The following CCDC121 variants were observed in gnomAD, a reference collection of about 807,000 sequenced individuals.
The protein encoded by CCDC121 is coiled-coil domain containing 121.
For synonymous variants in CCDC121, 108 were observed against 120.0 expected, an observed-to-expected ratio of 0.90 and a Z score of 0.65; for missense variants, 238 against 304.1, an observed-to-expected ratio of 0.78 and a Z score of 1.62.
At position 27,627,867 on chromosome 2, in the gene CCDC121, T is replaced by C; in HGVS notation, c.-68A>G. ...TAGCTTCTCTGGCTTGACAAAATTA[T>C]TTATTAGACTATGATACGGTGGAAG... On this transcript the variant is annotated 5_prime_UTR_variant, in exon 2 of 2. Transcript: ENST00000324364. 1 of 1,614,210 alleles carries C rather than the reference T, an allele frequency of 6.2e-7. No homozygotes were observed. Among genetic ancestry groups the C allele is most frequent in the Middle Eastern group, 1.6e-4 (1 of 6,062 alleles).
In CCDC121 at chr2:27,628,550, G is replaced by T. The variant is rs752246975; in HGVS notation, c.-119+400C>A. ...AGCTCCCGTAGTTTATTCGTTCGGTGCTCAAAGGGTCTCGGTGCTGCCCAG... is the reference window on the plus strand; with the variant it reads ...AGCTCCCGTAGTTTATTCGTTCGGTTCTCAAAGGGTCTCGGTGCTGCCCAG... On this transcript the variant is annotated intron_variant, in intron 1 of 1. Transcript: ENST00000324364. 11 of 1,551,410 alleles carry T rather than the reference G, an allele frequency of 7.1e-6. No homozygotes were observed. The East Asian group carries it at 1.2e-4, about 17-fold the overall frequency.
rs1296473544 is a variant in CCDC121 at position 27,626,530 on chromosome 2, A to G, written c.*433T>C. The G allele has an allele frequency of 6.5e-6, 1 of 154,116 alleles. No homozygotes were observed. The highest frequency in any genetic ancestry group is 2.4e-5 in the African/African-American group (1 of 41,506). 9.5% of individuals were successfully genotyped at this position (154,116 alleles called of 1,614,324 possible). Reference sequence around the variant, plus strand: ...CTGCTTTTGTCTGCTAAGTTGGTCAAAAGGAATGAGGATAAACTGGCAGAA... The same window carrying G: ...CTGCTTTTGTCTGCTAAGTTGGTCAGAAGGAATGAGGATAAACTGGCAGAA... On this transcript the variant is annotated 3_prime_UTR_variant, in exon 2 of 2. Coordinates refer to ENST00000324364, the MANE Select transcript of CCDC121 (RefSeq NM_024584.5).
In CCDC121 at chr2:27,627,819, T is replaced by G. The variant is rs779280087; in HGVS notation, c.-20A>C. On this transcript the variant is annotated 5_prime_UTR_variant, in exon 2 of 2. Transcript: ENST00000324364. ...CGTCATTTCCGCCACTATCTTTTCTTTAAGCCTTGTCTCTACCTTTGTTAG... is the reference window on the plus strand; with the variant it reads ...CGTCATTTCCGCCACTATCTTTTCTGTAAGCCTTGTCTCTACCTTTGTTAG... 3 of 1,614,234 alleles carry G rather than the reference T, an allele frequency of 1.9e-6. No homozygotes were observed. The highest frequency in any genetic ancestry group is 2.5e-6 in the Non-Finnish European group (3 of 1,180,042).
chr2:27,627,009 G>A lies in CCDC121; in HGVS notation c.791C>T (p.Thr264Ile). 1 of 1,613,298 alleles carries A rather than the reference G, an allele frequency of 6.2e-7. No homozygotes were observed. The highest frequency in any genetic ancestry group is 8.5e-7 in the Non-Finnish European group (1 of 1,179,644). The change falls in exon 2 of 2, where the codon ACA becomes ATA. Residue 264 changes from threonine to isoleucine, a missense_variant. Transcript: ENST00000324364. ...CLNRQDVPKT[T>I]PSLPQGTKSR... is the part of the protein sequence containing the mutation. ...TTTGGTGCCTTGGGGAAGACTGGGT[G>A]TGGTCTTTGGAACATCCTGTCTATT...
In CCDC121 at chr2:27,626,118, A is replaced by G. The variant is rs1043896825; in HGVS notation, c.*845T>C. 3 of 152,334 alleles carry G rather than the reference A, an allele frequency of 2.0e-5. No individual in the cohort carries two copies. The highest frequency in any genetic ancestry group is 6.5e-5 in the Admixed American group (1 of 15,288). 9.4% of individuals were successfully genotyped at this position (152,334 alleles called of 1,614,324 possible). On this transcript the variant is annotated 3_prime_UTR_variant, in exon 2 of 2. Transcript: ENST00000324364. ...GTAAGAAAATTAATAAATGACCTAA[A>G]ACTAAAGCATTTAGGATAACAAACA...
At position 27,628,501 on chromosome 2, in the gene CCDC121, C is replaced by A. The variant is rs188110444; in HGVS notation, c.-119+449G>T. On this transcript the variant is annotated intron_variant, in intron 1 of 1. Transcript: ENST00000324364. Reference sequence around the variant, plus strand: ...ATCAGGAACCTGCGTCTGCAACTCGCGGGAACAATGTGCAAGTGTGGAAAG... The same window carrying A: ...ATCAGGAACCTGCGTCTGCAACTCGAGGGAACAATGTGCAAGTGTGGAAAG... 4.5e-6 allele frequency: 7 copies of A among 1,551,288 alleles called. No homozygotes were observed. The Admixed American group carries it at 1.2e-4, about 26-fold the overall frequency.
chr2:27,628,098 G>A (rs1673355172), intron 1 of CCDC121, 181 bp from the exon 2 acceptor site: 1 of 626,120 alleles, frequency 1.6e-6, no homozygotes, highest in Non-Finnish European at 2.8e-6. Context: ...CATTTACAAC[G>A]TGCATTCACT....
rs1380043140 is a variant in CCDC121, at chr2:27,627,505, T to C, written c.295A>G (p.Ser99Gly). The C allele has an allele frequency of 6.2e-7, 1 of 1,614,106 alleles. No homozygotes were observed. The highest frequency in any genetic ancestry group is 1.3e-5 in the African/African-American group (1 of 74,956). ...ATTGCCTGCAACTTCCGCTTCAAACTGGATTGGATATTTTCCTTTTGCAAG... is the reference window on the plus strand; with the variant it reads ...ATTGCCTGCAACTTCCGCTTCAAACCGGATTGGATATTTTCCTTTTGCAAG... Reference protein sequence around the residue: ...ALLQKENIQSSLKRKLQAMRD... With the variant: ...ALLQKENIQSGLKRKLQAMRD... The change falls in exon 2 of 2, where the codon AGT (serine) becomes GGT (glycine). Residue 99 changes from serine (S) to glycine (G), a missense_variant. Ser to Gly is a moderately conservative substitution (Grantham distance 56, BLOSUM62 0). Coordinates refer to ENST00000324364, the MANE Select transcript of CCDC121 (RefSeq NM_024584.5).
In CCDC121 at chr2:27,627,121, T is replaced by G. The variant is rs1673306106; in HGVS notation, c.679A>C (p.Lys227Gln). The part of the protein sequence containing the change: ...TATQSHLENR[K>Q]QQLQQEQWYL... ...CACTGTTCCTGCTGCAGCTGCTGCTTCCTGTTTTCTAAGTGGCTTTGAGTA... is the reference window on the plus strand; with the variant it reads ...CACTGTTCCTGCTGCAGCTGCTGCTGCCTGTTTTCTAAGTGGCTTTGAGTA... Residue 227 changes from lysine (K) to glutamine (Q), a missense_variant, in exon 2 of 2, where the codon AAG becomes CAG. Physicochemically the swap from Lys to Gln is moderately conservative, Grantham distance 53. Coordinates refer to ENST00000324364, the MANE Select transcript of CCDC121 (RefSeq NM_024584.5). 2 of 1,614,138 alleles carry G rather than the reference T, an allele frequency of 1.2e-6. No homozygotes were observed. The highest frequency in any genetic ancestry group is 1.7e-6 in the Non-Finnish European group (2 of 1,179,988).
At chr2:27,628,284 G>A in intron 1 of CCDC121, 1 of 1,041,240 alleles carries the variant, frequency 9.6e-7, no homozygotes, top group East Asian at 2.6e-5. Context: ...AAACAGACTG[G>A]GTGGTCAGGA....
intron 1 of CCDC121, 65 bp from the exon 2 acceptor site, chr2:27,627,982 G>A (rs1317238716): frequency 2.8e-6 from 3 of 1,077,764 alleles, no homozygotes; most frequent in Non-Finnish European, 4.2e-6. Flanking sequence ...GTGCACAACT[G>A]TCCTTCATTC....
chr2:27,627,983 T>C (rs1673348906), intron 1 of CCDC121, 66 bp from the exon 2 acceptor site: 4 of 1,066,180 alleles, frequency 3.8e-6, no homozygotes. Flanking sequence ...TGCACAACTG[T>C]CCTTCATTCA....
intron 1 of CCDC121, chr2:27,628,318 TTCA>T (rs1673367635): frequency 1.5e-6 from 2 of 1,366,418 alleles, no homozygotes; most frequent in South Asian, 2.9e-5. Flanking sequence ...TCTAGGCTCT[TTCA>T]TCATCTTTCC....
intron 1 of CCDC121, chr2:27,628,189 C>CA: frequency 1.6e-6 from 1 of 636,720 alleles, no homozygotes; most frequent in Non-Finnish European, 2.7e-6. Flanking sequence ...CCATGACTCA[C>CA]ACCACTAGCA....
At chr2:27,627,998 A>G in intron 1 of CCDC121, 81 bp from the exon 2 acceptor site, 2 of 956,904 alleles carry the variant, frequency 2.1e-6, no homozygotes, top group Non-Finnish European at 1.6e-6. Flanking sequence ...CATTCATACA[A>G]GAGAATATTT....
In CCDC121 at chr2:27,626,040, CAT is replaced by C. The variant is rs1281708868; in HGVS notation, c.*921_*922del. ...TATAGTTATACTAAATGGGAATAAACATATGGCACACATTAATTACAAAGGAT... is the reference window on the plus strand; with the variant it reads ...TATAGTTATACTAAATGGGAATAAACATGGCACACATTAATTACAAAGGAT... On this transcript the variant is annotated 3_prime_UTR_variant, in exon 2 of 2. Transcript: ENST00000324364. The C allele has an allele frequency of 5.3e-5, 8 of 152,024 alleles. No homozygotes were observed. Among genetic ancestry groups the C allele is most frequent in the Non-Finnish European group, 8.8e-5 (6 of 67,968 alleles). The allele number at this position is 152,024 out of a possible 1,614,324, so 9.4% of individuals were successfully genotyped here. A position where few individuals can be genotyped will look rare whatever the true frequency, so the allele number is the denominator to read the frequency against.
chr2:27,628,149 A>G (rs919143319), intron 1 of CCDC121: 1 of 623,572 alleles, frequency 1.6e-6, no homozygotes, highest in South Asian at 2.0e-5. Flanking sequence ...AAAAAGGAGA[A>G]AACAGGTTCA....
rs1375794020 is a variant in CCDC121, at chr2:27,628,529, C to T, written c.-119+421G>A. 7 of 1,551,426 alleles carry T rather than the reference C, an allele frequency of 4.5e-6. No individual in the cohort carries two copies. The highest frequency in any genetic ancestry group is 5.2e-6 in the Non-Finnish European group (6 of 1,146,816). ...GAACAATGTGCAAGTGTGGAAAGCT[C>T]CCGTAGTTTATTCGTTCGGTGCTCA... On this transcript the variant is annotated intron_variant, in intron 1 of 1. Transcript: ENST00000324364.
intron 1 of CCDC121, 101 bp from the exon 2 acceptor site, chr2:27,628,018 A>G: frequency 1.2e-6 from 1 of 813,422 alleles, no homozygotes; most frequent in Non-Finnish European, 2.0e-6. Flanking sequence ...TCTGAGCACC[A>G]GAATGTTCCA....
Sources: gnomAD v4.1 joint callset for allele counts on GRCh38, gnomAD v4.1.1 for gene constraint, MANE v1.5 for transcripts, NCBI Gene and HGNC (gene_info 2026-07-23, HGNC 2026-07-21) for gene names.